The following LEKR1 variants were observed in gnomAD, a reference collection of about 807,000 sequenced individuals.
LEKR1 encodes the protein protein LEKR1.
Under a neutral mutation model 72.4 loss-of-function variants are expected in LEKR1, and 59 were observed. The observed-to-expected ratio is 0.82, with a 90% CI of 0.66 to 1.01. The LOEUF (loss-of-function observed/expected upper bound fraction) is 1.01. LEKR1 is among the 50% of genes least tolerant of loss of function. The pLI, the probability that LEKR1 is intolerant of heterozygous loss-of-function variation, is 0.00. For synonymous variants in LEKR1, 257 were observed against 263.2 expected, an observed-to-expected ratio of 0.98 and a Z score of 0.23; for missense variants, 728 against 759.2, an observed-to-expected ratio of 0.96 and a Z score of 0.48.
intron 9 of LEKR1, among the ~76,000 whole-genome samples, chr3:156,995,592 G>T (rs957560116): frequency 1.3e-5 from 2 of 152,130 alleles, no homozygotes; most frequent in African/African-American, 4.8e-5. Flanking sequence ...AGCATTTTGG[G>T]AGGCCAAGGC....
intron 9 of LEKR1, among the ~76,000 whole-genome samples, chr3:156,999,624 C>T (rs1252996394): frequency 6.6e-6 from 1 of 152,180 alleles, no homozygotes; most frequent in African/African-American, 2.4e-5. Flanking sequence ...AGCTACTTGC[C>T]AGAGGAAGGG....
At chr3:156,945,075 A>C (rs1324090260) in intron 6 of LEKR1, among the ~76,000 whole-genome samples, 1 of 151,584 alleles carries the variant, frequency 6.6e-6, no homozygotes, top group African/African-American at 2.4e-5. Context: ...ACTTTGCCAG[A>C]ATTTCTATTT....
chr3:156,969,761 A>T (rs962013080), intron 6 of LEKR1, among the ~76,000 whole-genome samples: 4 of 152,238 alleles, frequency 2.6e-5, no homozygotes, highest in African/African-American at 7.2e-5. Context: ...AATCCTCCCT[A>T]ACTCATTTTA....
chr3:156,891,694 G>A (rs995906100), intron 3 of LEKR1, among the ~76,000 whole-genome samples: 1 of 152,100 alleles, frequency 6.6e-6, no homozygotes, highest in Non-Finnish European at 1.5e-5. Flanking sequence ...GCTAGGACAG[G>A]TGTTGAGGAA....
rs1026822656 is a variant in LEKR1, at chr3:156,992,742, C to T, written c.905+12C>T. The T allele has an allele frequency of 1.4e-5, 10 of 738,974 alleles. No homozygotes were observed. Among genetic ancestry groups the T allele is most frequent in the Non-Finnish European group, 1.6e-5 (9 of 569,776 alleles). 45.8% of individuals were successfully genotyped at this position (738,974 alleles called of 1,614,324 possible). ...ATTTCTGAGTCACAGTATGCATTAC[C>T]AATTTTTAAATTTATATTTTTAATA... On this transcript the variant is annotated intron_variant, in intron 8 of 12. Transcript: ENST00000356539.
intron 9 of LEKR1, among the ~76,000 whole-genome samples, chr3:157,011,129 T>C (rs1732853788): frequency 6.6e-6 from 1 of 152,134 alleles, no homozygotes; most frequent in Admixed American, 6.5e-5. Context: ...AGACATTTCA[T>C]TGTATTTGTG....
At chr3:156,939,960 TA>T (rs1326496903) in intron 5 of LEKR1, among the ~76,000 whole-genome samples, 3 of 152,128 alleles carry the variant, frequency 2.0e-5, no homozygotes, top group African/African-American at 7.2e-5. Flanking sequence ...TTTATTCAAT[TA>T]AAAATGTTTC....
At chr3:156,899,035 G>C (rs906064626) in intron 3 of LEKR1, among the ~76,000 whole-genome samples, 1 of 152,058 alleles carries the variant, frequency 6.6e-6, no homozygotes, top group Non-Finnish European at 1.5e-5. Flanking sequence ...ACAAAAAAGA[G>C]CTATTTTTGC....
At chr3:156,867,585 T>C (rs1015517795) in intron 3 of LEKR1, among the ~76,000 whole-genome samples, 2 of 152,068 alleles carry the variant, frequency 1.3e-5, no homozygotes, top group African/African-American at 2.4e-5. Context: ...AAGATTCTTC[T>C]TTTTTATATT....
At chr3:156,922,666 C>CA (rs1337307742) in intron 4 of LEKR1, among the ~76,000 whole-genome samples, 2 of 152,172 alleles carry the variant, frequency 1.3e-5, no homozygotes, top group Non-Finnish European at 2.9e-5. Context: ...AAGGGCTCAG[C>CA]ATATTAGTTG....
At chr3:156,975,923 A>C (rs892333786) in intron 6 of LEKR1, among the ~76,000 whole-genome samples, 2 of 152,344 alleles carry the variant, frequency 1.3e-5, no homozygotes, top group Non-Finnish European at 2.9e-5. Flanking sequence ...TGAGTGACAG[A>C]AAATTAAAGT....
rs536842197 is a variant in LEKR1, at chr3:156,888,023, T to C, written c.264-32552T>C. On this transcript the variant is annotated intron_variant, in intron 3 of 12. Coordinates refer to ENST00000356539, the MANE Select transcript of LEKR1 (RefSeq NM_001004316.3). ...TCATTATAGAGGTAATCTAGTGATA[T>C]ATATCAGAGAATGGAAAGAATATCA... Among the ~76,000 whole-genome samples, 36 of 152,312 alleles carry C rather than the reference T, an allele frequency of 2.4e-4. No individual in the cohort carries two copies. In the South Asian group the frequency reaches 7.0e-3, roughly 30 times the overall value.
intron 3 of LEKR1, among the ~76,000 whole-genome samples, chr3:156,904,965 CA>C (rs1298467027): frequency 2.6e-5 from 4 of 151,914 alleles, no homozygotes; most frequent in African/African-American, 7.3e-5. Flanking sequence ...AATGAAGAAT[CA>C]AAGACCAAAT....
At chr3:156,899,542 ATATATACACATATATACAT>A (rs1158425777) in intron 3 of LEKR1, among the ~76,000 whole-genome samples, 2 of 138,642 alleles carry the variant, frequency 1.4e-5, no homozygotes, top group African/African-American at 5.3e-5. Flanking sequence ...ACATATATAC[ATATATACACATATATACAT>A]ATACATGTAT....
At chr3:156,902,728 A>G (rs1302058715) in intron 3 of LEKR1, among the ~76,000 whole-genome samples, 1 of 152,094 alleles carries the variant, frequency 6.6e-6, no homozygotes, top group Non-Finnish European at 1.5e-5. Flanking sequence ...GTAGAAATCA[A>G]CTTTCACTAA....
chr3:156,882,703 G>A (rs369274466), intron 3 of LEKR1, among the ~76,000 whole-genome samples: 56 of 152,268 alleles, frequency 3.7e-4, no homozygotes, highest in South Asian at 1.4e-3. Context: ...ACATGCACAC[G>A]TATTTTTATT....
At chr3:157,020,255 TTTA>T (rs139276879) in intron 10 of LEKR1, among the ~76,000 whole-genome samples, 20,793 of 140,248 alleles carry the variant, frequency 0.15, 1,605 homozygotes, top group Middle Eastern at 0.28. Context: ...CTGATTTTCT[TTTA>T]TTATTATTAT....
chr3:156,972,523 A>G (rs1729314122), intron 6 of LEKR1, among the ~76,000 whole-genome samples: 1 of 152,040 alleles, frequency 6.6e-6, no homozygotes, highest in African/African-American at 2.4e-5. Flanking sequence ...GTGAAAAAAT[A>G]AAACAGATTT....
chr3:156,917,325 C>T (rs1227572844), intron 3 of LEKR1, among the ~76,000 whole-genome samples: 1 of 152,102 alleles, frequency 6.6e-6, no homozygotes, highest in Non-Finnish European at 1.5e-5. Context: ...AGGAAAGCAT[C>T]ATTCTCCCTA....
Sources: allele counts gnomAD v4.1 joint callset (sites outside exome capture counted in the v4.1 genomes callset), GRCh38; gene constraint gnomAD v4.1.1; transcripts MANE v1.5; gene names NCBI Gene and HGNC (gene_info 2026-07-23, HGNC 2026-07-21).